The following SLC49A3 variants were observed in gnomAD, a reference collection of about 807,000 sequenced individuals.
The protein encoded by SLC49A3 is solute carrier family 49 member 3.
A neutral mutation model predicts 43.8 loss-of-function variants in SLC49A3; 50 were observed. The observed-to-expected ratio is 1.14, with a 90% CI of 0.91 to 1.45. The LOEUF (loss-of-function observed/expected upper bound fraction) is 1.45. Among genes scored for constraint, SLC49A3 ranks in the 40% most tolerant of loss-of-function variants. The pLI, the probability that SLC49A3 is intolerant of heterozygous loss-of-function variation, is 0.00. For synonymous variants in SLC49A3, 413 were observed against 352.0 expected (o/e 1.17, Z -1.94); for missense variants, 906 against 774.1 (o/e 1.17, Z -2.02).
At chr4:677,858 G>C, downstream of SLC49A3, 1 of 1,141,556 alleles carries the variant, frequency 8.8e-7, no homozygotes, top group Non-Finnish European at 1.3e-6. Context: ...GTCACTGCCA[G>C]GCTGCCAAAG....
downstream of SLC49A3, chr4:678,865 A>G (rs2109335645): frequency 3.1e-6 from 5 of 1,608,334 alleles, no homozygotes; most frequent in Admixed American, 6.7e-5. Context: ...GTGGAAGCCT[A>G]TCCTCAGTCA....
At position 686,165 on chromosome 4, in the gene SLC49A3, G is replaced by A. The variant is rs1740977130; in HGVS notation, c.432C>T (p.Ile144=). The change falls in exon 3 of 10, where the codon ATC becomes ATT. Residue 144 remains isoleucine, a synonymous_variant. Transcript: ENST00000322224. ...AGGCAGCCAGCTTGGCTGGAGAGAA[G>A]ATGACCAGGCTCTGGGCAAGGGCAC... ...SLCALAQSLV[I]FSPAKLAALW... 2 of 1,613,302 alleles carry A rather than the reference G, an allele frequency of 1.2e-6. No homozygotes were observed. The highest frequency in any genetic ancestry group is 8.5e-7 in the Non-Finnish European group (1 of 1,180,024).
rs887024251 is a variant in SLC49A3, at chr4:685,312, CAT to C, written c.586-458_586-457del. On this transcript the variant is annotated intron_variant, in intron 4 of 9. Transcript: ENST00000322224. This position sits in a 1 kb window ranked among gnomAD's most constrained non-coding sequence, Gnocchi z 4.3. ...ACACATGTGCACAGACACACAGACA[CAT>C]ATGCACACATCACACAATACACATG... is the stretch of plus-strand genomic sequence containing the variant. 2.0e-5 allele frequency among the ~76,000 whole-genome samples: 3 copies of C among 152,148 alleles called. No homozygotes were observed. Among genetic ancestry groups the C allele is most frequent in the African/African-American group, 4.8e-5 (2 of 41,430 alleles).
At position 688,405 on chromosome 4, in the gene SLC49A3, A is replaced by T. The variant is rs552639871; in HGVS notation, c.135+588T>A. ...ATCCCCGTGACCTGGCGCCTCCCTG[A>T]GCTGTGGGTCCTGCTGCCAACTCTA... On this transcript the variant is annotated intron_variant, in intron 1 of 9. Transcript: ENST00000322224. Among the ~76,000 whole-genome samples, 5 of 152,130 alleles carry T rather than the reference A, an allele frequency of 3.3e-5. No homozygotes were observed. In the South Asian group the frequency reaches 1.0e-3, roughly 32 times the overall value.
At chr4:683,567 AC>A in intron 7 of SLC49A3, 41 bp downstream of exon 7, 1 of 1,006,726 alleles carries the variant, frequency 9.9e-7, no homozygotes, top group South Asian at 1.3e-5. Flanking sequence ...CTCACCACCC[AC>A]CCACCCCCAC....
chr4:688,511 G>A (rs112931297), intron 1 of SLC49A3, among the ~76,000 whole-genome samples: 16 of 152,192 alleles, frequency 1.1e-4, no homozygotes, highest in Admixed American at 1.3e-4. Context: ...CACACAGGGC[G>A]GGAAAGGCTG....
At chr4:681,149 C>G, downstream of SLC49A3, 1 of 1,602,130 alleles carries the variant, frequency 6.2e-7, no homozygotes. Context: ...AGGTCTGGCC[C>G]GCGGCTTCCC....
chr4:690,537 C>G (rs1015221594), upstream of SLC49A3, among the ~76,000 whole-genome samples: 2 of 152,214 alleles, frequency 1.3e-5, no homozygotes, highest in Admixed American at 6.5e-5. Context: ...ATCCCCTAAC[C>G]CCACCTGGCA....
At chr4:679,669 C>T (rs1739244659), downstream of SLC49A3, among the ~76,000 whole-genome samples, 1 of 152,222 alleles carries the variant, frequency 6.6e-6, no homozygotes, top group Admixed American at 6.5e-5. Context: ...CAGATCCCAG[C>T]ACCTTCCCAG....
At chr4:677,625 G>A (rs779502942), downstream of SLC49A3, among the ~76,000 whole-genome samples, 11 of 152,212 alleles carry the variant, frequency 7.2e-5, no homozygotes, top group Non-Finnish European at 1.5e-4. Context: ...CCACAGCAGC[G>A]TTGTGCAAAT....
chr4:679,811 C>A, downstream of SLC49A3: 2 of 970,716 alleles, frequency 2.1e-6, no homozygotes, highest in East Asian at 2.5e-5. Context: ...CGCTCCCTCC[C>A]CACCCTTCCC....
At chr4:681,760 GCCCTCACCCCGCACCCGGGC>G (rs1183795047), downstream of SLC49A3, 1 of 1,103,188 alleles carries the variant, frequency 9.1e-7, no homozygotes, top group Non-Finnish European at 1.1e-6. Context: ...CTCCAGCGCC[GCCCTCACCCCGCACCCGGGC>G]CCCTCCCCGC....
At chr4:677,063 T>C (rs1261667282), downstream of SLC49A3, among the ~76,000 whole-genome samples, 1 of 152,194 alleles carries the variant, frequency 6.6e-6, no homozygotes, top group Non-Finnish European at 1.5e-5. Context: ...CCACCTGCTG[T>C]TGTGGCTGCA....
At chr4:682,679 G>A in intron 9 of SLC49A3, 102 bp downstream of exon 9, 2 of 975,448 alleles carry the variant, frequency 2.1e-6, no homozygotes, top group Non-Finnish European at 3.0e-6. Context: ...CTGTCCTGCT[G>A]TTTAGGGCTC....
chr4:678,522 C>T, downstream of SLC49A3: 1 of 1,455,056 alleles, frequency 6.9e-7, no homozygotes, highest in Non-Finnish European at 9.0e-7. Context: ...TGGCATGCTC[C>T]TCAGCTGTCT....
chr4:681,231 C>T (rs937227711), downstream of SLC49A3: 69 of 1,475,742 alleles, frequency 4.7e-5, no homozygotes, highest in African/African-American at 7.2e-4. Flanking sequence ...GCCCGAGGAG[C>T]AGCGCCGCGG....
Position 682,829 on chromosome 4 carries a change from G to C in SLC49A3, c.1213C>G (p.Pro405Ala). The C allele has an allele frequency of 6.2e-7, 1 of 1,605,130 alleles. No homozygotes were observed. Among genetic ancestry groups the C allele is most frequent in the East Asian group, 2.2e-5 (1 of 44,614 alleles). Residue 405 changes from proline (P) to alanine (A), a missense_variant, in exon 9 of 10, where the codon CCG (proline) becomes GCG (alanine). Coordinates refer to ENST00000322224, the MANE Select transcript of SLC49A3 (RefSeq NM_032219.4). The part of the protein sequence containing the change: ...MTALTVRRSE[P>A]SLSTCQQGED... ...CCCTGCTGGCAGGTGGACAAGGACG[G>C]CTCCGAGCGTCGCACAGTCAGTGCC...
At chr4:683,083 T>G (rs1740152547) in intron 8 of SLC49A3, 127 bp downstream of exon 8, 1 of 1,326,646 alleles carries the variant, frequency 7.5e-7, no homozygotes, top group African/African-American at 1.5e-5. Context: ...GCTCGGCCCT[T>G]GCCAGAGCAG....
downstream of SLC49A3, chr4:679,017 C>T (rs1187125755): frequency 3.7e-6 from 6 of 1,613,718 alleles, no homozygotes; most frequent in Non-Finnish European, 5.1e-6. Flanking sequence ...ACCTGAAGGA[C>T]ACCTATGCCT....
Sources: allele counts gnomAD v4.1 joint callset (sites outside exome capture counted in the v4.1 genomes callset), GRCh38; gene constraint gnomAD v4.1.1; non-coding constraint Gnocchi (gnomAD v3.1); transcripts MANE v1.5; gene names NCBI Gene and HGNC (gene_info 2026-07-23, HGNC 2026-07-21).